The following SAMD12 variants were observed in gnomAD, a reference collection of about 807,000 sequenced individuals.
SAMD12 encodes the protein sterile alpha motif domain containing 12.
Under a neutral mutation model 15.0 loss-of-function variants are expected in SAMD12, and 9 were observed. The observed-to-expected ratio is 0.60, with a 90% CI of 0.36 to 1.05. The LOEUF (loss-of-function observed/expected upper bound fraction) is 1.05, where lower values mean the gene tolerates loss of function less well. Among genes scored for constraint, SAMD12 ranks in the 50% least tolerant of loss-of-function variants. SAMD12 has a pLI of 0.01. For synonymous variants in SAMD12, 86 were observed against 90.1 expected (o/e 0.96, Z 0.25); for missense variants, 230 against 234.2 (o/e 0.98, Z 0.12).
intron 4 of SAMD12, among the ~76,000 whole-genome samples, chr8:118,319,398 A>C (rs1339490742): frequency 2.0e-5 from 3 of 152,144 alleles, no homozygotes; most frequent in Admixed American, 1.3e-4. Flanking sequence ...CAGCAAGGGA[A>C]GGAGTTCTGT....
intron 2 of SAMD12, among the ~76,000 whole-genome samples, chr8:118,450,273 G>C (rs941274621): frequency 1.3e-5 from 2 of 152,186 alleles, no homozygotes; most frequent in Non-Finnish European, 2.9e-5. Flanking sequence ...GCACTCAACA[G>C]GAAACAAGAC....
At chr8:118,276,962 TCACA>T (rs569418200) in intron 4 of SAMD12, among the ~76,000 whole-genome samples, 1 of 152,144 alleles carries the variant, frequency 6.6e-6, no homozygotes, top group Admixed American at 6.5e-5. Context: ...TGTGCGCCAC[TCACA>T]CACAGTTTCT....
the SAMD12 span, among the ~76,000 whole-genome samples, chr8:118,174,706 A>AT: frequency 7.9e-3 from 1,205 of 152,236 alleles, 18 homozygotes; most frequent in South Asian, 0.04. Context: ...TGAAGAAATT[A>AT]TTTTTTCCCC....
At chr8:118,248,827 TACAGC>T (rs1812756141) in intron 4 of SAMD12, among the ~76,000 whole-genome samples, 1 of 152,196 alleles carries the variant, frequency 6.6e-6, no homozygotes, top group Admixed American at 6.6e-5. Flanking sequence ...GTAAGATCAA[TACAGC>T]TATGAGCTCT....
chr8:118,205,080 C>A (rs1243669494), intron 4 of SAMD12, among the ~76,000 whole-genome samples: 3 of 152,202 alleles, frequency 2.0e-5, no homozygotes, highest in African/African-American at 7.2e-5. Flanking sequence ...GGACCCCATT[C>A]AATCCATCGA....
At chr8:118,553,118 A>G (rs1401548389) in intron 2 of SAMD12, among the ~76,000 whole-genome samples, 4 of 151,546 alleles carry the variant, frequency 2.6e-5, no homozygotes, top group Admixed American at 2.6e-4. Flanking sequence ...AAGGTAATTT[A>G]CAGATTCAAT....
chr8:118,231,995 T>C (rs776611866), intron 4 of SAMD12, among the ~76,000 whole-genome samples: 2 of 152,226 alleles, frequency 1.3e-5, no homozygotes, highest in Non-Finnish European at 2.9e-5. Context: ...AAGCCACTTA[T>C]TGATGATGGC....
At chr8:118,233,760 C>T (rs779365388) in intron 4 of SAMD12, among the ~76,000 whole-genome samples, 2 of 152,274 alleles carry the variant, frequency 1.3e-5, no homozygotes, top group Admixed American at 1.3e-4. Context: ...CACTCCCAGT[C>T]TGGAGAACAG....
intron 4 of SAMD12, among the ~76,000 whole-genome samples, chr8:118,338,424 A>G (rs751832681): frequency 4.6e-5 from 7 of 152,232 alleles, no homozygotes; most frequent in Non-Finnish European, 8.8e-5. Flanking sequence ...TGGTCTAATT[A>G]CCAAGACAGT....
intron 4 of SAMD12, among the ~76,000 whole-genome samples, chr8:118,300,253 T>A (rs1382088367): frequency 6.6e-6 from 1 of 152,202 alleles, no homozygotes; most frequent in Non-Finnish European, 1.5e-5. Flanking sequence ...ACACTAGAAC[T>A]TATTCATCCT....
chr8:118,424,483 G>A lies in SAMD12; in HGVS notation c.322+15349C>T, dbSNP rs187699236. ...ATGAATGGAATGTATTCTATTGCAG[G>A]TCACCACAGTCCAATCTTTCTCTCA... On this transcript the variant is annotated intron_variant, in intron 3 of 3. Transcript: ENST00000314727. Among the ~76,000 whole-genome samples, 1,010 of 152,230 alleles carry A rather than the reference G, an allele frequency of 6.6e-3. 7 individuals are homozygous for A. The highest frequency in any genetic ancestry group is 0.01 in the Middle Eastern group (3 of 294).
chr8:118,602,541 C>T (rs1006178557), intron 1 of SAMD12, among the ~76,000 whole-genome samples: 1 of 152,176 alleles, frequency 6.6e-6, no homozygotes, highest in Non-Finnish European at 1.5e-5. Context: ...TGTACATAGA[C>T]ATTGAAACAT....
At chr8:118,206,288 A>G (rs1819861517) in intron 4 of SAMD12, among the ~76,000 whole-genome samples, 2 of 152,248 alleles carry the variant, frequency 1.3e-5, no homozygotes, top group Admixed American at 6.5e-5. Context: ...GTACTTAAAT[A>G]GTAGTTATTT....
intron 2 of SAMD12, among the ~76,000 whole-genome samples, chr8:118,580,018 G>T (rs1827247226): frequency 6.6e-6 from 1 of 152,088 alleles, no homozygotes; most frequent in Non-Finnish European, 1.5e-5. Flanking sequence ...TGCCTATTTT[G>T]TCAGTTCTCT....
intron 4 of SAMD12, among the ~76,000 whole-genome samples, chr8:118,226,146 T>C (rs1812184337): frequency 6.6e-6 from 1 of 152,156 alleles, no homozygotes; most frequent in South Asian, 2.1e-4. Flanking sequence ...CACAAACCAT[T>C]TGTACACGAG....
chr8:118,599,057 G>A (rs1196995563), intron 1 of SAMD12, among the ~76,000 whole-genome samples: 2 of 152,168 alleles, frequency 1.3e-5, no homozygotes, highest in Non-Finnish European at 2.9e-5. Flanking sequence ...TGGCGATTCT[G>A]CTTTACTTTT....
intron 1 of SAMD12, among the ~76,000 whole-genome samples, chr8:118,587,322 AT>A (rs1827478130): frequency 6.6e-6 from 1 of 152,192 alleles, no homozygotes. Flanking sequence ...CATTTATTGT[AT>A]TCTGGATTCG....
chr8:118,144,540 T>C, the SAMD12 span, among the ~76,000 whole-genome samples: 1 of 152,040 alleles, frequency 6.6e-6, no homozygotes, highest in Admixed American at 6.5e-5. Context: ...ACATATTAAT[T>C]TATTGATGAA....
chr8:118,154,480 C>T, the SAMD12 span, among the ~76,000 whole-genome samples: 1 of 152,254 alleles, frequency 6.6e-6, no homozygotes, highest in Middle Eastern at 3.4e-3. Context: ...TATCATAACG[C>T]AGATCTCACA....
Sources: allele counts gnomAD v4.1 joint callset (sites outside exome capture counted in the v4.1 genomes callset), GRCh38; gene constraint gnomAD v4.1.1; transcripts MANE v1.5; gene names NCBI Gene and HGNC (gene_info 2026-07-23, HGNC 2026-07-21).